The following CDC25B variants were observed in gnomAD, a reference collection of about 807,000 sequenced individuals.
CDC25B encodes the protein M-phase inducer phosphatase 2.
A neutral mutation model predicts 69.8 loss-of-function variants in CDC25B; 33 were observed. The observed-to-expected ratio is 0.47, with a 90% CI of 0.36 to 0.63. The LOEUF (loss-of-function observed/expected upper bound fraction) is 0.63, where lower values mean the gene tolerates loss of function less well. Among genes scored for constraint, CDC25B ranks in the 30% least tolerant of loss-of-function variants. The probability of loss-of-function intolerance (pLI) is 0.00; values close to 1 mark genes in which losing one functional copy is unlikely to be tolerated. For synonymous variants in CDC25B, 341 were observed against 314.6 expected (o/e 1.08, Z -0.89); for missense variants, 727 against 809.1 (o/e 0.90, Z 1.23).
At chr20:3,787,125 T>A (rs1384474359) in exon 1 of CDC25B, 1 of 664,144 alleles carries the variant, frequency 1.5e-6, no homozygotes, top group Admixed American at 2.4e-5. Context: ...TCACGTCACC[T>A]GGAGAGATGC....
rs560932739 is a variant in CDC25B at position 3,796,426 on chromosome 20, C to A, written c.-106C>A. On this transcript the variant is annotated 5_prime_UTR_variant, in exon 1 of 16. Coordinates refer to ENST00000245960, the MANE Select transcript of CDC25B (RefSeq NM_021873.4). ...CTTCCTCCCTCCCTCCTTCCCCCCC[C>A]CCCCACCCCTCGCCCGCTGCCTCCC... The A allele has an allele frequency of 8.8e-5, 20 of 227,402 alleles. No individual in the cohort carries two copies. The highest frequency in any genetic ancestry group is 1.5e-4 in the Admixed American group (2 of 13,124). 14.1% of individuals were successfully genotyped at this position (227,402 alleles called of 1,614,324 possible).
At chr20:3,791,280 C>G (rs2088911500) in intron 1 of CDC25B, among the ~76,000 whole-genome samples, 1 of 152,110 alleles carries the variant, frequency 6.6e-6, no homozygotes, top group Non-Finnish European at 1.5e-5. Context: ...AACCAAAGTT[C>G]TGGGAGCAAG....
upstream of CDC25B, among the ~76,000 whole-genome samples, chr20:3,794,573 C>T (rs1290829216): frequency 6.6e-6 from 1 of 152,002 alleles, no homozygotes; most frequent in African/African-American, 2.4e-5. Flanking sequence ...CCCCTTCCCT[C>T]CTGGCACTAA....
rs1334280456 is a variant in CDC25B at position 3,803,333 on chromosome 20, A to G, written c.1357-71A>G. On this transcript the variant is annotated intron_variant, in intron 13 of 15. Transcript: ENST00000245960. The surrounding 1 kb of genome is among the most constrained non-coding windows in gnomAD (Gnocchi z 4.9). Reference sequence around the variant, plus strand: ...GGGGAGGGTTCCTACTAAGAGAAGGACAGCGACTGCACGGGGAGGGCCCTG... The same window carrying G: ...GGGGAGGGTTCCTACTAAGAGAAGGGCAGCGACTGCACGGGGAGGGCCCTG... The G allele has an allele frequency of 1.9e-6, 3 of 1,607,440 alleles. No individual in the cohort carries two copies. Among genetic ancestry groups the G allele is most frequent in the Non-Finnish European group, 2.6e-6 (3 of 1,175,546 alleles).
rs202059655 is a variant in CDC25B, at chr20:3,801,326, C to A, written c.778C>A (p.Pro260Thr). Residue 260 changes from proline to threonine, a missense_variant, in exon 8 of 16, where the codon CCT (proline) becomes ACT (threonine). By Grantham distance (38) the Pro-to-Thr change is conservative. This residue lies in a region of CDC25B where 359 missense variants were observed against 463.4 expected (regional missense o/e 0.77). Coordinates refer to ENST00000245960, the MANE Select transcript of CDC25B (RefSeq NM_021873.4). ...PLALGRFSLT[P>T]AEGDTEEDDG... ...GGCCCTAGGTCGCTTCTCTCTGACC[C>A]CTGCAGAGGGGGATACTGAGGAAGA... The A allele has an allele frequency of 6.2e-7, 1 of 1,614,054 alleles. No individual in the cohort carries two copies. The highest frequency in any genetic ancestry group is 1.7e-5 in the Admixed American group (1 of 60,010).
rs2089455796 is a variant in CDC25B, at chr20:3,805,787, T to A, written c.*826T>A. 1 of 406,224 alleles carries A rather than the reference T, an allele frequency of 2.5e-6. No homozygotes were observed. Among genetic ancestry groups the A allele is most frequent in the Non-Finnish European group, 4.4e-6 (1 of 228,224 alleles). The allele number at this position is 406,224 out of a possible 1,614,324, so 25.2% of individuals were successfully genotyped here. The stretch of plus-strand genomic sequence containing the variant: ...CTGCTCAGAACTTGCTGCTGTCTTG[T>A]TGCGGATGGATGGAAGGTTGGATGG... On this transcript the variant is annotated 3_prime_UTR_variant, in exon 16 of 16. Transcript: ENST00000245960.
At chr20:3,795,746 T>A, upstream of CDC25B, 2 of 985,520 alleles carry the variant, frequency 2.0e-6, no homozygotes, top group Non-Finnish European at 2.4e-6. Context: ...GTTTTGCTGC[T>A]GCTCAGCGCA....
chr20:3,801,470 A>G (rs751102198), intron 8 of CDC25B, 82 bp downstream of exon 8: 9 of 1,472,752 alleles, frequency 6.1e-6, no homozygotes, highest in Non-Finnish European at 8.3e-6. Context: ...CCCTTGTGGC[A>G]GGACCATGAT....
At chr20:3,793,578 ATTTT>A (rs2088951668), upstream of CDC25B, among the ~76,000 whole-genome samples, 1 of 19,206 alleles carries the variant, frequency 5.2e-5, no homozygotes. Flanking sequence ...AGAGAATTTT[ATTTT>A]ATTTTATTTT....
rs6116042 is a variant in CDC25B, at chr20:3,796,321, T to G, written c.-211T>G. 6.8e-6 allele frequency: 9 copies of G among 1,321,552 alleles called. No individual in the cohort carries two copies. The highest frequency in any genetic ancestry group is 7.7e-6 in the Non-Finnish European group (8 of 1,040,298). 81.9% of individuals were successfully genotyped at this position (1,321,552 alleles called of 1,614,324 possible). On this transcript the variant is annotated 5_prime_UTR_variant, in exon 1 of 16. Transcript: ENST00000245960. ...TGGCAGCTGCAACTAGAGGCTTCCC[T>G]GGCTGGTGCCTGAGCCCGGCGTCCC... is the stretch of plus-strand genomic sequence containing the variant.
intron 1 of CDC25B, among the ~76,000 whole-genome samples, chr20:3,790,592 C>T (rs913631004): frequency 4.0e-5 from 6 of 150,946 alleles, no homozygotes; most frequent in Admixed American, 1.3e-4. Flanking sequence ...GAGGCCGAGG[C>T]GGGTGGATCA....
At position 3,805,031 on chromosome 20, in the gene CDC25B, C is replaced by T. The variant is rs1600410947; in HGVS notation, c.*70C>T. 7 of 1,511,902 alleles carry T rather than the reference C, an allele frequency of 4.6e-6. No homozygotes were observed. Among genetic ancestry groups the T allele is most frequent in the Admixed American group, 1.9e-5 (1 of 51,944 alleles). The allele number at this position is 1,511,902 out of a possible 1,614,324, so 93.7% of individuals were successfully genotyped here. A position where few individuals can be genotyped will look rare whatever the true frequency, so the allele number is the denominator to read the frequency against. On this transcript the variant is annotated 3_prime_UTR_variant, in exon 16 of 16. Coordinates refer to ENST00000245960, the MANE Select transcript of CDC25B (RefSeq NM_021873.4). The stretch of plus-strand genomic sequence containing the variant: ...GAAGCCAGCTGCCCTATGGGCCTGC[C>T]GGGCTGAGGGCCTGCTGGAGGCCTC...
intron 3 of CDC25B, among the ~76,000 whole-genome samples, chr20:3,798,889 T>C (rs1446322903): frequency 1.3e-5 from 2 of 152,248 alleles, no homozygotes; most frequent in Non-Finnish European, 2.9e-5. Context: ...CAAAACACAG[T>C]TGCCTGCAGA....
upstream of CDC25B, among the ~76,000 whole-genome samples, chr20:3,795,572 C>T (rs1177967647): frequency 6.6e-6 from 1 of 152,200 alleles, no homozygotes; most frequent in Non-Finnish European, 1.5e-5. Flanking sequence ...CCGCGGAAAT[C>T]CATTCCTAGT....
At chr20:3,789,230 T>C (rs2088873699) in intron 1 of CDC25B, among the ~76,000 whole-genome samples, 1 of 152,226 alleles carries the variant, frequency 6.6e-6, no homozygotes, top group African/African-American at 2.4e-5. Context: ...TCAGCAAGCT[T>C]TCCATTCTCC....
chr20:3,798,900 T>C (rs1600392708), intron 3 of CDC25B, among the ~76,000 whole-genome samples: 2 of 152,262 alleles, frequency 1.3e-5, no homozygotes, highest in South Asian at 4.1e-4. Flanking sequence ...TGCCTGCAGA[T>C]TGATTTGGCT....
chr20:3,801,213 ATC>A, intron 7 of CDC25B, 39 bp from the exon 8 acceptor site: 1 of 1,607,376 alleles, frequency 6.2e-7, no homozygotes, highest in Non-Finnish European at 8.5e-7. Context: ...GGCGGGAACT[ATC>A]TCCACCTCTA....
At chr20:3,799,515 TGTGTGTGTGTGCGC>T (rs1371310921) in intron 3 of CDC25B, among the ~76,000 whole-genome samples, 5 of 61,658 alleles carry the variant, frequency 8.1e-5, no homozygotes, top group African/African-American at 2.4e-4. Flanking sequence ...TGTGTGTGTG[TGTGTGTGTGTGCGC>T]GCGCGCGCGT....
intron 3 of CDC25B, among the ~76,000 whole-genome samples, chr20:3,798,885 A>G (rs1036994680): frequency 6.6e-6 from 1 of 152,262 alleles, no homozygotes; most frequent in Non-Finnish European, 1.5e-5. Flanking sequence ...CAAACAAAAC[A>G]CAGTTGCCTG....
Sources: gnomAD v4.1 joint callset for allele counts (sites outside exome capture counted in the v4.1 genomes callset) on GRCh38, gnomAD v4.1.1 for gene constraint, gnomAD v4.1.1 regional missense constraint, Gnocchi (gnomAD v3.1) non-coding constraint, MANE v1.5 for transcripts, NCBI Gene and HGNC (gene_info 2026-07-23, HGNC 2026-07-21) for gene names.